The following HEATR5B variants were observed in gnomAD, a reference collection of about 807,000 sequenced individuals.
HEATR5B encodes HEAT repeat containing 5B, also known as HEAT repeat-containing protein 5B.
A neutral mutation model predicts 224.1 loss-of-function variants in HEATR5B; 156 were observed. The ratio of observed to expected loss-of-function variants is 0.70; its 90% CI spans 0.61 to 0.80. The LOEUF (loss-of-function observed/expected upper bound fraction) is 0.80, where lower values mean the gene tolerates loss of function less well. HEATR5B is among the 30% of genes least tolerant of loss of function. HEATR5B has a pLI of 0.00. For missense variants in HEATR5B, 2,323 were observed against 2,535.5 expected (o/e 0.92, Z 1.80); for synonymous variants, 1,027 against 893.0 (o/e 1.15, Z -2.68).
At chr2:37,033,297 C>T (rs148245248) in intron 21 of HEATR5B, among the ~76,000 whole-genome samples, 2,120 of 152,180 alleles carry the variant, frequency 0.014, 12 homozygotes, top group Non-Finnish European at 0.022. Context: ...ATAAAATATA[C>T]AAAAAATATG....
At chr2:37,021,886 CAAAAAAAA>C (rs3080799) in intron 24 of HEATR5B, among the ~76,000 whole-genome samples, 1 of 126,522 alleles carries the variant, frequency 7.9e-6, no homozygotes, top group South Asian at 2.5e-4. Flanking sequence ...GACCCTGTTT[CAAAAAAAA>C]AAAAAAAAAA....
intron 20 of HEATR5B, among the ~76,000 whole-genome samples, chr2:37,039,319 AGCT>A: frequency 6.6e-6 from 1 of 152,066 alleles, no homozygotes; most frequent in Non-Finnish European, 1.5e-5. Context: ...ACAACAAATT[AGCT>A]GGGTGTAGTG....
chr2:37,010,973 TGA>T (rs767985113), intron 27 of HEATR5B, among the ~76,000 whole-genome samples: 112 of 151,914 alleles, frequency 7.4e-4, no homozygotes, highest in Non-Finnish European at 2.5e-4. Flanking sequence ...AATATTACAA[TGA>T]GAGGGAAGTA....
intron 35 of HEATR5B, among the ~76,000 whole-genome samples, chr2:36,982,322 A>C (rs975722441): frequency 3.3e-5 from 5 of 151,368 alleles, no homozygotes; most frequent in African/African-American, 1.2e-4. Flanking sequence ...CTTAGGGTTA[A>C]AAAAACAAGA....
intron 33 of HEATR5B, among the ~76,000 whole-genome samples, chr2:36,997,760 G>T (rs556478206): frequency 5.9e-5 from 9 of 151,954 alleles, no homozygotes; most frequent in African/African-American, 9.6e-5. Flanking sequence ...TAGAGACGGG[G>T]TTTCCCTGTG....
At chr2:37,058,211 A>G (rs1229734148) in intron 14 of HEATR5B, among the ~76,000 whole-genome samples, 1 of 152,118 alleles carries the variant, frequency 6.6e-6, no homozygotes, top group African/African-American at 2.4e-5. Context: ...TTCATCTATA[A>G]AATAGGGCTA....
chr2:37,007,067 C>G lies in HEATR5B; in HGVS notation c.4760G>C (p.Arg1587Thr). The G allele has an allele frequency of 6.2e-7, 1 of 1,613,976 alleles. No homozygotes were observed. The highest frequency in any genetic ancestry group is 8.5e-7 in the Non-Finnish European group (1 of 1,179,900). Residue 1587 changes from arginine to threonine, a missense_variant, in exon 29 of 36, where the codon AGA becomes ACA. Around this residue, in one of 12 missense-constraint regions of HEATR5B, gnomAD observed 844 missense variants for 812.9 expected, o/e 1.04. Transcript: ENST00000233099. ...AGACCTACCTAAAATCAGATGCATT[C>G]TGTCTTTGTTAATTTCTGGCAAAGA... ...AKSLPEINKDRMHLILGVSIQ... is the reference protein window; with the variant it reads ...AKSLPEINKDTMHLILGVSIQ...
chr2:36,997,569 T>TTC (rs1469101911), intron 33 of HEATR5B, among the ~76,000 whole-genome samples: 4 of 147,398 alleles, frequency 2.7e-5, no homozygotes, highest in African/African-American at 1.0e-4. Flanking sequence ...CTGCCATTCT[T>TTC]TTTTTTTTTT....
At chr2:37,010,291 CGAGAAAG>C (rs1162656416) in intron 27 of HEATR5B, among the ~76,000 whole-genome samples, 5 of 152,038 alleles carry the variant, frequency 3.3e-5, no homozygotes, top group Non-Finnish European at 5.9e-5. Context: ...TTGTACCTAA[CGAGAAAG>C]CCTAAGTATG....
rs562114342 is a variant in HEATR5B at position 36,999,751 on chromosome 2, G to A, written c.5545+835C>T. Among the ~76,000 whole-genome samples the A allele has an allele frequency of 9.9e-5, 15 of 151,638 alleles. No individual in the cohort carries two copies. The East Asian group carries it at 2.9e-3, about 30-fold the overall frequency. On this transcript the variant is annotated intron_variant, in intron 33 of 35. Transcript: ENST00000233099. ...CTCCCGGCCGGGTGCGGTAGCTCAC[G>A]TCTGTAATGCTAGCAACTTTGGGAG... is the stretch of plus-strand genomic sequence containing the variant.
Position 37,028,751 on chromosome 2 carries a change from A to C in HEATR5B, c.3531T>G (p.Leu1177=), listed in dbSNP as rs1558751611. The change falls in exon 23 of 36, where the codon CTT becomes CTG. Residue 1177 remains leucine, a synonymous_variant. Transcript: ENST00000233099. ...AAAGTTTTTCTACTGCCAGCGAAGA[A>C]AGCATATGTCCCAAAGTGTCATGAA... ...SDIHDTLGHM[L]SSLAVEKLSH... 3.1e-6 allele frequency: 5 copies of C among 1,614,034 alleles called. No individual in the cohort carries two copies. The East Asian group carries it at 8.9e-5, about 29-fold the overall frequency.
intron 24 of HEATR5B, among the ~76,000 whole-genome samples, chr2:37,025,710 G>T (rs1668727760): frequency 6.6e-6 from 1 of 151,986 alleles, no homozygotes; most frequent in Non-Finnish European, 1.5e-5. Context: ...AAGGTAAAAG[G>T]ACAAGACACA....
At chr2:36,983,335 C>T (rs1276541101) in intron 35 of HEATR5B, among the ~76,000 whole-genome samples, 5 of 149,272 alleles carry the variant, frequency 3.3e-5, no homozygotes, top group African/African-American at 1.2e-4. Context: ...TGAGACCAGC[C>T]TAACCAACAT....
At chr2:36,991,299 G>C (rs1262452009) in intron 33 of HEATR5B, among the ~76,000 whole-genome samples, 1 of 151,628 alleles carries the variant, frequency 6.6e-6, no homozygotes, top group Non-Finnish European at 1.5e-5. Context: ...GGCCGAGGCA[G>C]GCGGACCACC....
chr2:37,072,615 T>A (rs1671975731), intron 5 of HEATR5B, among the ~76,000 whole-genome samples: 1 of 152,002 alleles, frequency 6.6e-6, no homozygotes, highest in South Asian at 2.1e-4. Context: ...GGAGAGCAAA[T>A]TCAACACAAA....
At chr2:37,078,470 G>T (rs1226416431) in intron 3 of HEATR5B, among the ~76,000 whole-genome samples, 1 of 152,156 alleles carries the variant, frequency 6.6e-6, no homozygotes, top group Non-Finnish European at 1.5e-5. Context: ...GTGTGTATTT[G>T]CTAAGTGGCA....
intron 12 of HEATR5B, 59 bp downstream of exon 12, chr2:37,060,522 C>A: frequency 7.2e-7 from 1 of 1,384,458 alleles, no homozygotes; most frequent in Non-Finnish European, 9.7e-7. Flanking sequence ...TTTTCTTTTA[C>A]TTTACAAATA....
chr2:36,981,484 T>C lies in HEATR5B; in HGVS notation c.*6A>G, dbSNP rs185473152. On this transcript the variant is annotated 3_prime_UTR_variant, in exon 36 of 36. Coordinates refer to ENST00000233099, the MANE Select transcript of HEATR5B (RefSeq NM_019024.3). ...CAACATAAATACAAATAAATGAAAT[T>C]ACAAATTAAAAAAAACTTGTTTTTA... The C allele has an allele frequency of 2.5e-6, 4 of 1,595,780 alleles. No individual in the cohort carries two copies. Among genetic ancestry groups the C allele is most frequent in the Non-Finnish European group, 3.4e-6 (4 of 1,170,570 alleles).
At chr2:36,994,001 T>G (rs1666518012) in intron 33 of HEATR5B, among the ~76,000 whole-genome samples, 1 of 152,188 alleles carries the variant, frequency 6.6e-6, no homozygotes, top group Non-Finnish European at 1.5e-5. Context: ...ATGACGGTTA[T>G]TATTAGGACA....
Sources: allele counts gnomAD v4.1 joint callset (sites outside exome capture counted in the v4.1 genomes callset), GRCh38; gene constraint gnomAD v4.1.1; regional missense constraint gnomAD v4.1.1; transcripts MANE v1.5; gene names NCBI Gene and HGNC (gene_info 2026-07-23, HGNC 2026-07-21).